The following SIPA1L1 variants were observed in gnomAD, a reference collection of about 807,000 sequenced individuals.
The protein encoded by SIPA1L1 is signal-induced proliferation-associated 1-like protein 1.
SIPA1L1 carries 26 observed loss-of-function variants against 162.7 expected under a neutral mutation model. The observed-to-expected ratio is 0.16, with a 90% CI of 0.12 to 0.22. The LOEUF is 0.22. SIPA1L1 is among the 10% of genes least tolerant of loss of function. SIPA1L1 has a pLI of 1.00. For synonymous variants in SIPA1L1, 829 were observed against 837.4 expected, an observed-to-expected ratio of 0.99 and a Z score of 0.17; for missense variants, 1,874 against 2,241.0, an observed-to-expected ratio of 0.84 and a Z score of 3.31.
At chr14:71,394,337 A>G (rs527659494) in intron 2 of SIPA1L1, among the ~76,000 whole-genome samples, 6 of 152,348 alleles carry the variant, frequency 3.9e-5, no homozygotes, top group Admixed American at 3.9e-4. Flanking sequence ...CATTAACTGG[A>G]AGCCTCTATT....
chr14:71,650,679 T>C (rs1254021412), intron 8 of SIPA1L1, among the ~76,000 whole-genome samples, 170 bp downstream of exon 8: 1 of 152,174 alleles, frequency 6.6e-6, no homozygotes, highest in African/African-American at 2.4e-5. Context: ...TTGAAGATCA[T>C]AACCAAAGTA....
At chr14:71,327,519 G>A (rs2033976948) in intron 2 of SIPA1L1, among the ~76,000 whole-genome samples, 1 of 152,192 alleles carries the variant, frequency 6.6e-6, no homozygotes, top group Non-Finnish European at 1.5e-5. Context: ...CTTATTAGGA[G>A]ATGCTTATAA....
At position 71,739,210 on chromosome 14, in the gene SIPA1L1, G is replaced by C; in HGVS notation, c.*49G>C. The stretch of plus-strand genomic sequence containing the variant: ...AGGGCCCAGACACTCCCTCCAGTGA[G>C]TGTCCTGCAGCCCTTATTCCCTCCA... On this transcript the variant is annotated 3_prime_UTR_variant, in exon 24 of 24. Transcript: ENST00000381232. The C allele has an allele frequency of 1.3e-6, 2 of 1,547,928 alleles. No homozygotes were observed. Among genetic ancestry groups the C allele is most frequent in the Middle Eastern group, 1.8e-4 (1 of 5,680 alleles).
intron 2 of SIPA1L1, among the ~76,000 whole-genome samples, chr14:71,495,964 G>C (rs1237475752): frequency 2.0e-5 from 3 of 150,032 alleles, no homozygotes; most frequent in Non-Finnish European, 3.0e-5. Flanking sequence ...TGTGCCTGTG[G>C]TCCCATCTAC....
At chr14:71,356,814 TG>T (rs1286218978) in intron 2 of SIPA1L1, among the ~76,000 whole-genome samples, 2 of 151,700 alleles carry the variant, frequency 1.3e-5, no homozygotes, top group Non-Finnish European at 2.9e-5. Context: ...AGCAGGGGTA[TG>T]TTGATAGGAA....
At chr14:71,320,564 A>C (rs2032494947) in intron 1 of SIPA1L1, 61 bp downstream of exon 1, 1 of 152,498 alleles carries the variant, frequency 6.6e-6, no homozygotes, top group African/African-American at 2.4e-5. Context: ...TCTGGGCCCC[A>C]GAGGCCGCCC....
intron 2 of SIPA1L1, among the ~76,000 whole-genome samples, chr14:71,426,516 TCTCA>T (rs1243960947): frequency 7.7e-6 from 1 of 129,500 alleles, no homozygotes; most frequent in Non-Finnish European, 1.7e-5. Context: ...AAAGACAGAG[TCTCA>T]CTCTGTTGCA....
chr14:71,497,802 A>C (rs984175992), intron 2 of SIPA1L1: 8 of 152,372 alleles, frequency 5.3e-5, no homozygotes, highest in Non-Finnish European at 2.9e-5. Context: ...TAGAGCTGCT[A>C]TGAACATTTG....
At chr14:71,395,885 T>G (rs1330302829) in intron 2 of SIPA1L1, among the ~76,000 whole-genome samples, 1 of 152,198 alleles carries the variant, frequency 6.6e-6, no homozygotes, top group East Asian at 1.9e-4. Context: ...ACTTCAAGAT[T>G]AAGGAATTAG....
At chr14:71,687,365 C>T (rs2080948606) in intron 13 of SIPA1L1, among the ~76,000 whole-genome samples, 1 of 152,144 alleles carries the variant, frequency 6.6e-6, no homozygotes, top group Non-Finnish European at 1.5e-5. Flanking sequence ...TGTGTGCTAA[C>T]TGGAATTCAT....
At chr14:71,382,462 A>G (rs1023389954) in intron 2 of SIPA1L1, among the ~76,000 whole-genome samples, 10 of 152,344 alleles carry the variant, frequency 6.6e-5, no homozygotes, top group Admixed American at 2.0e-4. Flanking sequence ...GCCTAAACAA[A>G]TTTACATTAG....
chr14:71,514,865 G>C (rs2051551185), intron 3 of SIPA1L1, among the ~76,000 whole-genome samples: 1 of 152,208 alleles, frequency 6.6e-6, no homozygotes, highest in Non-Finnish European at 1.5e-5. Context: ...GACACTGTGT[G>C]CTAAGGATTA....
intron 2 of SIPA1L1, among the ~76,000 whole-genome samples, chr14:71,462,999 A>C (rs764039775): frequency 6.6e-6 from 1 of 152,218 alleles, no homozygotes; most frequent in Non-Finnish European, 1.5e-5. Flanking sequence ...CAGTGAAACC[A>C]CATCTGATAC....
chr14:71,349,443 C>T (rs1478978228), intron 2 of SIPA1L1, among the ~76,000 whole-genome samples: 2 of 152,146 alleles, frequency 1.3e-5, no homozygotes, highest in African/African-American at 2.4e-5. Flanking sequence ...TCCTTCAGTT[C>T]AGAATCCTTT....
intron 13 of SIPA1L1, among the ~76,000 whole-genome samples, chr14:71,697,941 AAAAC>A (rs745566027): frequency 1.2e-4 from 18 of 151,858 alleles, no homozygotes; most frequent in African/African-American, 1.7e-4. Flanking sequence ...AAACAAAAAA[AAAAC>A]CACAGAAAAC....
At chr14:71,357,306 A>G (rs1419445318) in intron 2 of SIPA1L1, among the ~76,000 whole-genome samples, 1 of 152,144 alleles carries the variant, frequency 6.6e-6, no homozygotes, top group Non-Finnish European at 1.5e-5. Flanking sequence ...AGGAACTTCG[A>G]AATCACATGG....
rs1207961801 is a variant in SIPA1L1, at chr14:71,377,914, G to A, written c.-465+56733G>A. ...TCAGGCAGGGAGGTTGCAGTGAGCCGAGATCGCAGCAGTACAGTCCAGCCT... is the reference window on the plus strand; with the variant it reads ...TCAGGCAGGGAGGTTGCAGTGAGCCAAGATCGCAGCAGTACAGTCCAGCCT... On this transcript the variant is annotated intron_variant, in intron 2 of 23. Transcript: ENST00000381232. The surrounding 1 kb of genome is among the most constrained non-coding windows in gnomAD (Gnocchi z 4.8). 2.0e-5 allele frequency among the ~76,000 whole-genome samples: 3 copies of A among 152,222 alleles called. No individual in the cohort carries two copies. The highest frequency in any genetic ancestry group is 2.9e-5 in the Non-Finnish European group (2 of 68,038).
chr14:71,721,178 C>T (rs991696625), intron 17 of SIPA1L1, among the ~76,000 whole-genome samples: 2 of 152,194 alleles, frequency 1.3e-5, no homozygotes, highest in African/African-American at 4.8e-5. Context: ...CACCCTAAGT[C>T]CAGGAACGCT....
intron 3 of SIPA1L1, among the ~76,000 whole-genome samples, chr14:71,521,559 G>C (rs943303443): frequency 3.9e-5 from 6 of 152,214 alleles, no homozygotes. Context: ...TAGAAGGACA[G>C]GAGAAGGTTG....
Sources: gnomAD v4.1 joint callset for allele counts (sites outside exome capture counted in the v4.1 genomes callset) on GRCh38, gnomAD v4.1.1 for gene constraint, Gnocchi (gnomAD v3.1) non-coding constraint, MANE v1.5 for transcripts, NCBI Gene and HGNC (gene_info 2026-07-23, HGNC 2026-07-21) for gene names.